Variants in STK25 observed in about 807,000 individuals in gnomAD.
The protein encoded by STK25 is serine/threonine kinase 25.
A neutral mutation model predicts 53.8 loss-of-function variants in STK25; 29 were observed. The observed-to-expected ratio is 0.54, with a 90% CI of 0.40 to 0.74. The LOEUF is 0.74. Among genes scored for constraint, STK25 ranks in the 30% least tolerant of loss-of-function variants. The pLI is 0.00. For synonymous variants in STK25, 247 were observed against 238.3 expected (o/e 1.04, Z -0.33); for missense variants, 420 against 568.0 (o/e 0.74, Z 2.65).
In STK25 at chr2:241,499,180, C is replaced by G; in HGVS notation, c.586-6G>C. The G allele has an allele frequency of 1.9e-6, 3 of 1,613,782 alleles. No individual in the cohort carries two copies. The highest frequency in any genetic ancestry group is 1.7e-6 in the Non-Finnish European group (2 of 1,179,834). ...CCCAGGGACCAGATGTCAGCCTGGACAGAACACAAGGACTGTTGCTGCCCT... is the reference window on the plus strand; with the variant it reads ...CCCAGGGACCAGATGTCAGCCTGGAGAGAACACAAGGACTGTTGCTGCCCT... On this transcript the variant is annotated splice_polypyrimidine_tract_variant and splice_region_variant and intron_variant, in intron 6 of 11. Coordinates refer to ENST00000316586, the MANE Select transcript of STK25 (RefSeq NM_001271977.2).
chr2:241,499,917 C>T (rs1204893070), intron 5 of STK25: 2 of 590,530 alleles, frequency 3.4e-6, no homozygotes, highest in Non-Finnish European at 6.3e-6. Flanking sequence ...CCACAGGGAA[C>T]CAACAACTCC....
chr2:241,498,091 C>T (rs960216380), intron 9 of STK25, 144 bp downstream of exon 9: 12 of 767,596 alleles, frequency 1.6e-5, no homozygotes, highest in Admixed American at 1.5e-4. Context: ...GGCCTAGTGC[C>T]ACAGTGGGCT....
At chr2:241,507,962 C>A (rs1279208418) in intron 2 of STK25, 44 bp downstream of exon 2, 1 of 1,542,492 alleles carries the variant, frequency 6.5e-7, no homozygotes, top group Admixed American at 1.9e-5. Context: ...TCTGGAGCCC[C>A]TCGGTGAGAG....
chr2:241,492,827 G>T lies in STK25; in HGVS notation c.*2835C>A. 2.9e-6 allele frequency: 2 copies of T among 699,276 alleles called. No homozygotes were observed. Among genetic ancestry groups the T allele is most frequent in the Non-Finnish European group, 5.2e-6 (2 of 388,030 alleles). 43.3% of individuals were successfully genotyped at this position (699,276 alleles called of 1,614,324 possible). ...GTCCAGAGGTAAAACCAAGGCCTCAGCTGGAGAAAGCATGCAGAGGCTTAG... is the reference window on the plus strand; with the variant it reads ...GTCCAGAGGTAAAACCAAGGCCTCATCTGGAGAAAGCATGCAGAGGCTTAG... On this transcript the variant is annotated 3_prime_UTR_variant, in exon 12 of 12. Coordinates refer to ENST00000316586, the MANE Select transcript of STK25 (RefSeq NM_001271977.2).
At chr2:241,498,607 A>G (rs2065321522) in intron 8 of STK25, 32 bp downstream of exon 8, 2 of 1,598,114 alleles carry the variant, frequency 1.3e-6, no homozygotes, top group African/African-American at 1.3e-5. Flanking sequence ...CACAGCACCT[A>G]GGGTCACCAT....
At position 241,493,417 on chromosome 2, in the gene STK25, G is replaced by A. The variant is rs773838546; in HGVS notation, c.*2245C>T. The A allele has an allele frequency of 5.6e-5, 90 of 1,613,812 alleles. No homozygotes were observed. The highest frequency in any genetic ancestry group is 1.6e-4 in the Middle Eastern group (1 of 6,062). Reference sequence around the variant, plus strand: ...TTCAAATCCCACGTCTACTTCTTCCGGGCTGAGAGCAAGTACACATTTGAA... The same window carrying A: ...TTCAAATCCCACGTCTACTTCTTCCAGGCTGAGAGCAAGTACACATTTGAA... On this transcript the variant is annotated 3_prime_UTR_variant, in exon 12 of 12. Transcript: ENST00000316586.
chr2:241,500,857 G>A lies in STK25; in HGVS notation c.262-61C>T, dbSNP rs899537592. 21 of 1,569,324 alleles carry A rather than the reference G, an allele frequency of 1.3e-5. No individual in the cohort carries two copies. The African/African-American group carries it at 2.3e-4, about 17-fold the overall frequency. On this transcript the variant is annotated intron_variant, in intron 3 of 11. Transcript: ENST00000316586. ...CAAGAGGAAGGGCATGCTCCAGGGT[G>A]GGAGTCACAGGCCGGAGTCAGCCAG...
Position 241,501,423 on chromosome 2 carries a change from TG to T in STK25, c.261+54del. 2 of 1,552,306 alleles carry T rather than the reference TG, an allele frequency of 1.3e-6. No homozygotes were observed. The highest frequency in any genetic ancestry group is 1.8e-6 in the Non-Finnish European group (2 of 1,132,392). On this transcript the variant is annotated intron_variant, in intron 3 of 11. Transcript: ENST00000316586. The surrounding 1 kb of genome is among the most constrained non-coding windows in gnomAD (Gnocchi z 5.3). ...GGCATGTCACTCAGTCCCTCTGACA[TG>T]GAAGAGAGCCGGGCACAGCACCAGC...
chr2:241,501,783 G>A lies in STK25; in HGVS notation c.31-75C>T. On this transcript the variant is annotated intron_variant, in intron 2 of 11. Coordinates refer to ENST00000316586, the MANE Select transcript of STK25 (RefSeq NM_001271977.2). This position sits in a 1 kb window ranked among gnomAD's most constrained non-coding sequence, Gnocchi z 5.3. ...GCGGGGGACAGGCAGAGGCTGCCCT[G>A]CTGGGGAGGAAGGGACCTGTAGGGA... is the stretch of plus-strand genomic sequence containing the variant. The A allele has an allele frequency of 8.6e-7, 1 of 1,160,068 alleles. No individual in the cohort carries two copies. Among genetic ancestry groups the A allele is most frequent in the Non-Finnish European group, 1.3e-6 (1 of 795,800 alleles). 71.9% of individuals were successfully genotyped at this position (1,160,068 alleles called of 1,614,324 possible). A position where few individuals can be genotyped will look rare whatever the true frequency, so the allele number is the denominator to read the frequency against.
intron 2 of STK25, among the ~76,000 whole-genome samples, chr2:241,507,374 T>C (rs576415984): frequency 3.9e-5 from 6 of 152,282 alleles, no homozygotes; most frequent in South Asian, 2.1e-4. Context: ...GGTGGCTCCA[T>C]AGTGGAAACG....
At position 241,493,099 on chromosome 2, in the gene STK25, C is replaced by T. The variant is rs958032292; in HGVS notation, c.*2563G>A. ...TAGCAGACAGACACTTAACCCTGCT[C>T]ACCTGTGTCCCTTTTGTATTTTGGT... On this transcript the variant is annotated 3_prime_UTR_variant, in exon 12 of 12. Transcript: ENST00000316586. 3.7e-5 allele frequency: 42 copies of T among 1,127,690 alleles called. No individual in the cohort carries two copies. The highest frequency in any genetic ancestry group is 5.5e-5 in the Non-Finnish European group (41 of 739,122). 69.9% of individuals were successfully genotyped at this position (1,127,690 alleles called of 1,614,324 possible).
At position 241,493,493 on chromosome 2, in the gene STK25, C is replaced by T. The variant is rs771378133; in HGVS notation, c.*2169G>A. 1 of 1,578,186 alleles carries T rather than the reference C, an allele frequency of 6.3e-7. No individual in the cohort carries two copies. Among genetic ancestry groups the T allele is most frequent in the Non-Finnish European group, 8.7e-7 (1 of 1,148,912 alleles). ...GGTCAGCTGCCCATTTCGATGTCCGCTCAGCTCCCATTTCTACTCATGGTG... is the reference window on the plus strand; with the variant it reads ...GGTCAGCTGCCCATTTCGATGTCCGTTCAGCTCCCATTTCTACTCATGGTG... On this transcript the variant is annotated 3_prime_UTR_variant, in exon 12 of 12. Transcript: ENST00000316586.
At chr2:241,500,321 C>T (rs1289734773) in intron 4 of STK25, 40 bp from the exon 5 acceptor site, 3 of 1,465,282 alleles carry the variant, frequency 2.0e-6, no homozygotes, top group Non-Finnish European at 1.9e-6. Flanking sequence ...CAGCTCCTGT[C>T]CCAGGCCCAA....
At chr2:241,500,375 C>T (rs1235437911) in intron 4 of STK25, 94 bp from the exon 5 acceptor site, 8 of 861,968 alleles carry the variant, frequency 9.3e-6, no homozygotes, top group Non-Finnish European at 1.5e-5. Flanking sequence ...GCTGTCCCTG[C>T]AGATAGCTGG....
chr2:241,509,118 C>T (rs2066026761), upstream of STK25: 1 of 152,376 alleles, frequency 6.6e-6, no homozygotes, highest in Non-Finnish European at 1.5e-5. Context: ...AGACCCCGCC[C>T]GGGATCACGC....
rs774505507 is a variant in STK25, at chr2:241,494,141, G to C, written c.*1521C>G. ...GGAGGAATGACGCTCAACCTGCCCA[G>C]GTTTGGACACAACTACAAAGAACAG... is the stretch of plus-strand genomic sequence containing the variant. On this transcript the variant is annotated 3_prime_UTR_variant, in exon 12 of 12. Coordinates refer to ENST00000316586, the MANE Select transcript of STK25 (RefSeq NM_001271977.2). The surrounding 1 kb of genome is among the most constrained non-coding windows in gnomAD (Gnocchi z 4.9). 2 of 1,423,430 alleles carry C rather than the reference G, an allele frequency of 1.4e-6. No individual in the cohort carries two copies. Among genetic ancestry groups the C allele is most frequent in the African/African-American group, 3.0e-5 (2 of 66,518 alleles). 88.2% of individuals were successfully genotyped at this position (1,423,430 alleles called of 1,614,324 possible).
chr2:241,494,093 C>T lies in STK25; in HGVS notation c.*1569G>A. 1 of 1,470,024 alleles carries T rather than the reference C, an allele frequency of 6.8e-7. No homozygotes were observed. Among genetic ancestry groups the T allele is most frequent in the Non-Finnish European group, 8.9e-7 (1 of 1,118,332 alleles). 91.1% of individuals were successfully genotyped at this position (1,470,024 alleles called of 1,614,324 possible). A position where few individuals can be genotyped will look rare whatever the true frequency, so the allele number is the denominator to read the frequency against. On this transcript the variant is annotated 3_prime_UTR_variant, in exon 12 of 12. Transcript: ENST00000316586. This position sits in a 1 kb window ranked among gnomAD's most constrained non-coding sequence, Gnocchi z 4.9. Reference sequence around the variant, plus strand: ...GGATGGCCCCCAACCCTCCTCAGGGCTGGAGGGGATGGTCAGGGGGAAGGA... The same window carrying T: ...GGATGGCCCCCAACCCTCCTCAGGGTTGGAGGGGATGGTCAGGGGGAAGGA...
intron 2 of STK25, chr2:241,502,080 C>G (rs1271880085): frequency 9.2e-6 from 2 of 217,682 alleles, no homozygotes; most frequent in Non-Finnish European, 1.9e-5. Context: ...AGGAGAATTG[C>G]TTGAACCCGG....
rs1302182772 is a variant in STK25, at chr2:241,496,102, A to C, written c.1241+296T>G. Among the ~76,000 whole-genome samples the C allele has an allele frequency of 2.6e-5, 4 of 152,102 alleles. No homozygotes were observed. The highest frequency in any genetic ancestry group is 9.6e-5 in the African/African-American group (4 of 41,488). Reference sequence around the variant, plus strand: ...GTAGCTCCCGGGAGCCACCAGGTGGAGGGGCAGAGGCCAGCTGAGGACAGC... The same window carrying C: ...GTAGCTCCCGGGAGCCACCAGGTGGCGGGGCAGAGGCCAGCTGAGGACAGC... On this transcript the variant is annotated intron_variant, in intron 11 of 11. Transcript: ENST00000316586. This position sits in a 1 kb window ranked among gnomAD's most constrained non-coding sequence, Gnocchi z 5.8.
Sources: gnomAD v4.1 joint callset for allele counts (sites outside exome capture counted in the v4.1 genomes callset) on GRCh38, gnomAD v4.1.1 for gene constraint, Gnocchi (gnomAD v3.1) non-coding constraint, MANE v1.5 for transcripts, NCBI Gene and HGNC (gene_info 2026-07-23, HGNC 2026-07-21) for gene names.